Variants in WWOX observed in about 807,000 individuals in gnomAD.
WWOX encodes the protein WW domain containing oxidoreductase.
In WWOX, 69 loss-of-function variants were observed where a neutral mutation model predicts 46.2. The observed-to-expected ratio is 1.49, with a 90% CI of 1.23 to 1.82. The LOEUF is 1.82. WWOX is among the 40% of genes most tolerant of loss of function. The probability of loss-of-function intolerance (pLI) is 0.00; values close to 1 mark genes in which losing one functional copy is unlikely to be tolerated. For synonymous variants in WWOX, 359 were observed against 202.6 expected, an observed-to-expected ratio of 1.77 and a Z score of -6.56; for missense variants, 919 against 542.6, an observed-to-expected ratio of 1.69 and a Z score of -6.89.
rs2081128029 is a variant in WWOX at position 78,348,332 on chromosome 16, A to G, written c.517-38528A>G. ...CTCTGTAATGTCACTTATATCCAGG[A>G]AAGAGTGGCAAAGAACCATCCCAGC... On this transcript the variant is annotated intron_variant, in intron 5 of 8. Transcript: ENST00000566780. Among the ~76,000 whole-genome samples, 2 of 121,634 alleles carry G rather than the reference A, an allele frequency of 1.6e-5. 1 individual carries two copies. Among genetic ancestry groups the G allele is most frequent in the Admixed American group, 1.6e-4 (2 of 12,554 alleles). The allele number at this position is 121,634 out of a possible 152,430, so 79.8% of individuals were successfully genotyped here. A position where few individuals can be genotyped will look rare whatever the true frequency, so the allele number is the denominator to read the frequency against.
At chr16:78,698,890 A>G (rs899290269) in intron 8 of WWOX, among the ~76,000 whole-genome samples, 2 of 152,182 alleles carry the variant, frequency 1.3e-5, no homozygotes, top group African/African-American at 4.8e-5. Flanking sequence ...ATGTTCTGAC[A>G]CTTTTATAAA....
At chr16:78,102,107 A>C (rs751552504) in intron 1 of WWOX, among the ~76,000 whole-genome samples, 3 of 152,086 alleles carry the variant, frequency 2.0e-5, no homozygotes, top group Non-Finnish European at 2.9e-5. Context: ...GTTTTGTAGA[A>C]ATGGGGTCTC....
chr16:78,099,818 A>G lies in WWOX; in HGVS notation c.40A>G (p.Ser14Gly). ...LRYAGLDDTDSEDELPPGWEE... is the reference protein window; with the variant it reads ...LRYAGLDDTDGEDELPPGWEE... Reference sequence around the variant, plus strand: ...CTACGCGGGGCTGGACGACACGGACAGTGAGGACGAGCTGCCTCCGGGCTG... The same window carrying G: ...CTACGCGGGGCTGGACGACACGGACGGTGAGGACGAGCTGCCTCCGGGCTG... The change falls in exon 1 of 9, where the codon AGT (serine) becomes GGT (glycine). Residue 14 changes from serine to glycine, a missense_variant. Ser to Gly is a moderately conservative substitution (Grantham distance 56). Coordinates refer to ENST00000566780, the MANE Select transcript of WWOX (RefSeq NM_016373.4). 1.3e-6 allele frequency: 2 copies of G among 1,578,972 alleles called. No homozygotes were observed. Among genetic ancestry groups the G allele is most frequent in the South Asian group, 2.3e-5 (2 of 85,794 alleles).
chr16:78,680,534 A>T (rs2047704862), intron 8 of WWOX, among the ~76,000 whole-genome samples: 1 of 152,084 alleles, frequency 6.6e-6, no homozygotes, highest in Non-Finnish European at 1.5e-5. Context: ...GAAAGAAAAC[A>T]AACAAACAAA....
intron 5 of WWOX, among the ~76,000 whole-genome samples, chr16:78,281,559 G>A (rs1030339986): frequency 2.0e-5 from 3 of 152,070 alleles, no homozygotes; most frequent in African/African-American, 4.8e-5. Flanking sequence ...AAATATTTTG[G>A]GGCCTTGTAG....
intron 5 of WWOX, among the ~76,000 whole-genome samples, chr16:78,382,439 C>A (rs930994454): frequency 2.6e-4 from 40 of 152,314 alleles, no homozygotes; most frequent in Admixed American, 2.6e-4. Flanking sequence ...CACTGACCTA[C>A]AATGAGTGTG....
intron 8 of WWOX, among the ~76,000 whole-genome samples, chr16:78,882,827 T>TAAA (rs75984932): frequency 2.1e-5 from 3 of 143,426 alleles, no homozygotes; most frequent in Non-Finnish European, 1.5e-5. Context: ...TGCCACCATT[T>TAAA]AAAAAAAAAA....
intron 8 of WWOX, among the ~76,000 whole-genome samples, chr16:78,997,967 C>G (rs1181179523): frequency 6.6e-6 from 1 of 152,148 alleles, no homozygotes; most frequent in Non-Finnish European, 1.5e-5. Context: ...ATCTCTGCCT[C>G]CTGGGTTCAA....
intron 8 of WWOX, among the ~76,000 whole-genome samples, chr16:78,473,577 C>A (rs146225816): frequency 6.6e-6 from 1 of 152,134 alleles, no homozygotes; most frequent in Non-Finnish European, 1.5e-5. Context: ...TGTGAGCAGA[C>A]GTGATTCAGG....
intron 5 of WWOX, among the ~76,000 whole-genome samples, chr16:78,186,590 C>G (rs556658599): frequency 6.6e-6 from 1 of 152,228 alleles, no homozygotes; most frequent in South Asian, 2.1e-4. Flanking sequence ...ATGGCGAAAC[C>G]CTGTCTCTAC....
At chr16:78,958,757 G>A (rs376889178) in intron 8 of WWOX, among the ~76,000 whole-genome samples, 5 of 152,192 alleles carry the variant, frequency 3.3e-5, no homozygotes, top group East Asian at 3.8e-4. Context: ...ATACCAAGTC[G>A]TCAATGCCAC....
rs184288196 is a variant in WWOX, at chr16:78,383,522, C to G, written c.517-3338C>G. On this transcript the variant is annotated intron_variant, in intron 5 of 8. Coordinates refer to ENST00000566780, the MANE Select transcript of WWOX (RefSeq NM_016373.4). ...GAGTCTCTTGTCCTCGCCTAACAAT[C>G]AGCAGTTCACCTCTCGAAAAGGGGT... Among the ~76,000 whole-genome samples, 31 of 152,264 alleles carry G rather than the reference C, an allele frequency of 2.0e-4. No homozygotes were observed. The East Asian group carries it at 6.0e-3, about 29-fold the overall frequency.
chr16:78,636,774 T>G (rs1387360739), intron 8 of WWOX, among the ~76,000 whole-genome samples: 1 of 152,158 alleles, frequency 6.6e-6, no homozygotes, highest in African/African-American at 2.4e-5. Flanking sequence ...AGTCATGTGT[T>G]TGCTTCTGGA....
intron 8 of WWOX, among the ~76,000 whole-genome samples, chr16:78,799,870 G>C (rs548484480): frequency 5.3e-5 from 8 of 152,132 alleles, no homozygotes; most frequent in Non-Finnish European, 1.0e-4. Flanking sequence ...CAAAGTTCCA[G>C]TTATGTAGCT....
chr16:78,454,871 A>G (rs146986996), intron 8 of WWOX, among the ~76,000 whole-genome samples: 13 of 152,158 alleles, frequency 8.5e-5, no homozygotes, highest in South Asian at 2.1e-4. Flanking sequence ...TTCACCACCC[A>G]CTATTGGTTT....
rs139575608 is a variant in WWOX, at chr16:78,708,437, C to T, written c.1056+275685C>T. On this transcript the variant is annotated intron_variant, in intron 8 of 8. Transcript: ENST00000566780. Reference sequence around the variant, plus strand: ...TTTTTGTTTCTGCCCTGCTGTGTCACAGGGTCTTGGTATCTTTCCTCCTGT... The same window carrying T: ...TTTTTGTTTCTGCCCTGCTGTGTCATAGGGTCTTGGTATCTTTCCTCCTGT... Among the ~76,000 whole-genome samples, 15 of 152,298 alleles carry T rather than the reference C, an allele frequency of 9.8e-5. No individual in the cohort carries two copies. The East Asian group carries it at 2.5e-3, about 25-fold the overall frequency.
chr16:78,567,987 G>A (rs1244670607), intron 8 of WWOX, among the ~76,000 whole-genome samples: 1 of 152,162 alleles, frequency 6.6e-6, no homozygotes, highest in Non-Finnish European at 1.5e-5. Context: ...GTTGCCATGT[G>A]AAATCTAGAG....
At chr16:78,495,842 G>C (rs781693021) in intron 8 of WWOX, 1 of 152,114 alleles carries the variant, frequency 6.6e-6, no homozygotes, top group Admixed American at 6.6e-5. Flanking sequence ...GAACCAATCT[G>C]TGCTTGGTTT....
chr16:79,053,788 C>T (rs966357227), intron 8 of WWOX, among the ~76,000 whole-genome samples: 8 of 152,198 alleles, frequency 5.3e-5, no homozygotes, highest in East Asian at 3.9e-4. Flanking sequence ...ACCATTAATC[C>T]TGGAGCCTCT....
Sources: allele counts gnomAD v4.1 joint callset (sites outside exome capture counted in the v4.1 genomes callset), GRCh38; gene constraint gnomAD v4.1.1; transcripts MANE v1.5; gene names NCBI Gene and HGNC (gene_info 2026-07-23, HGNC 2026-07-21).